B3GALT1: variants seen among roughly 807,000 people sequenced by gnomAD.
B3GALT1 encodes the protein beta-1,3-galactosyltransferase 1.
In B3GALT1, 10 loss-of-function variants were observed where a neutral mutation model predicts 23.2. That is an observed-to-expected ratio of 0.43 (90% confidence interval 0.27 to 0.73). The LOEUF is 0.73. Among genes scored for constraint, B3GALT1 ranks in the 30% least tolerant of loss-of-function variants. The pLI is 0.21. For synonymous variants in B3GALT1, 156 were observed against 141.5 expected (o/e 1.10, Z -0.73); for missense variants, 299 against 405.4 (o/e 0.74, Z 2.25).
At chr2:167,577,427 T>C (rs1684405959) in intron 2 of B3GALT1, among the ~76,000 whole-genome samples, 1 of 151,838 alleles carries the variant, frequency 6.6e-6, no homozygotes, top group African/African-American at 2.4e-5. Flanking sequence ...TTAATAATGG[T>C]ATATAGATCA....
intron 3 of B3GALT1, among the ~76,000 whole-genome samples, chr2:167,676,588 G>T (rs1474383987): frequency 6.6e-6 from 1 of 151,606 alleles, no homozygotes; most frequent in Non-Finnish European, 1.5e-5. Flanking sequence ...TTGAGACAGA[G>T]CCTCGCTTTC....
At chr2:167,509,721 G>A (rs1198186551) in intron 2 of B3GALT1, among the ~76,000 whole-genome samples, 1 of 152,146 alleles carries the variant, frequency 6.6e-6, no homozygotes, top group East Asian at 1.9e-4. Context: ...CTGGAGCAGT[G>A]TGAGTTAGGG....
intron 4 of B3GALT1, among the ~76,000 whole-genome samples, chr2:167,841,135 C>A (rs1689640324): frequency 6.6e-6 from 1 of 150,870 alleles, no homozygotes; most frequent in Non-Finnish European, 1.5e-5. Context: ...TGTAACTAAC[C>A]TGCACATTGT....
At chr2:167,410,981 AAGG>A (rs1574068353) in intron 1 of B3GALT1, among the ~76,000 whole-genome samples, 2 of 152,084 alleles carry the variant, frequency 1.3e-5, no homozygotes, top group Admixed American at 1.3e-4. Flanking sequence ...CCTTAAGAAA[AAGG>A]AGCATATATC....
intron 3 of B3GALT1, among the ~76,000 whole-genome samples, chr2:167,717,848 G>A (rs1687175412): frequency 6.6e-6 from 1 of 152,086 alleles, no homozygotes; most frequent in Admixed American, 6.5e-5. Flanking sequence ...CCTCAATATT[G>A]TCAGCAAAGG....
At chr2:167,656,836 T>A (rs935640) in intron 3 of B3GALT1, among the ~76,000 whole-genome samples, 3 of 151,884 alleles carry the variant, frequency 2.0e-5, no homozygotes, top group Non-Finnish European at 4.4e-5. Context: ...TGGGGGAGAG[T>A]TGGAACCCCT....
chr2:167,640,232 G>C (rs1197950266), intron 2 of B3GALT1, among the ~76,000 whole-genome samples: 1 of 151,970 alleles, frequency 6.6e-6, no homozygotes, highest in Non-Finnish European at 1.5e-5. Context: ...GCTGCCTAAG[G>C]CTGTCACCTC....
At position 167,501,718 on chromosome 2, in the gene B3GALT1, CAA is replaced by C. The variant is rs35445623; in HGVS notation, c.-410+11465_-410+11466del. Among the ~76,000 whole-genome samples the C allele has an allele frequency of 5.4e-3, 354 of 65,412 alleles. 8 individuals are homozygous for C. The East Asian group carries it at 0.083, about 15-fold the overall frequency. The allele number at this position is 65,412 out of a possible 152,430, so 42.9% of individuals were successfully genotyped here. A position where few individuals can be genotyped will look rare whatever the true frequency, so the allele number is the denominator to read the frequency against. On this transcript the variant is annotated intron_variant, in intron 2 of 4. Coordinates refer to ENST00000392690, the MANE Select transcript of B3GALT1 (RefSeq NM_020981.4). ...ATGTTAATTCACACATCTACAGTGG[CAA>C]AAAAAAAAAAAAAAAAAAAAAAAGT...
chr2:167,384,480 C>T (rs115861275), intron 1 of B3GALT1, among the ~76,000 whole-genome samples: 1,681 of 152,244 alleles, frequency 0.011, 12 homozygotes, highest in Non-Finnish European at 0.016. Context: ...CCTTCCTGAT[C>T]CCCATCCACC....
intron 1 of B3GALT1, among the ~76,000 whole-genome samples, chr2:167,457,849 G>A (rs549620098): frequency 2.0e-5 from 3 of 152,204 alleles, no homozygotes; most frequent in East Asian, 1.9e-4. Flanking sequence ...ATTCTAGACC[G>A]ACCGAATTAG....
chr2:167,553,295 C>T (rs900359564), intron 2 of B3GALT1, among the ~76,000 whole-genome samples: 2 of 152,142 alleles, frequency 1.3e-5, no homozygotes, highest in Non-Finnish European at 2.9e-5. Context: ...GTTTATCTGA[C>T]ATAGCCAAAT....
chr2:167,716,137 G>C, intron 3 of B3GALT1: 2 of 1,419,658 alleles, frequency 1.4e-6, no homozygotes, highest in Non-Finnish European at 1.9e-6. Context: ...ACGCAGCCTT[G>C]GGTCTGGAAC....
At chr2:167,837,060 C>G (rs964656929) in intron 4 of B3GALT1, among the ~76,000 whole-genome samples, 2 of 152,196 alleles carry the variant, frequency 1.3e-5, no homozygotes, top group African/African-American at 4.8e-5. Flanking sequence ...CCGGTAACAG[C>G]TGCTGCAAAA....
At chr2:167,617,626 C>T (rs1685184352) in intron 2 of B3GALT1, among the ~76,000 whole-genome samples, 1 of 152,044 alleles carries the variant, frequency 6.6e-6, no homozygotes, top group African/African-American at 2.4e-5. Flanking sequence ...GAGAAATAGG[C>T]TAGCCCACAT....
chr2:167,671,047 C>G (rs1236475744), intron 3 of B3GALT1, among the ~76,000 whole-genome samples: 1 of 152,042 alleles, frequency 6.6e-6, no homozygotes, highest in Non-Finnish European at 1.5e-5. Flanking sequence ...ACACTTTTAT[C>G]AGACAAAATA....
intron 2 of B3GALT1, among the ~76,000 whole-genome samples, chr2:167,562,844 G>A (rs1684036835): frequency 6.6e-6 from 1 of 151,834 alleles, no homozygotes; most frequent in Non-Finnish European, 1.5e-5. Flanking sequence ...AGGGAGTGGT[G>A]ATGACTCTTA....
intron 2 of B3GALT1, among the ~76,000 whole-genome samples, chr2:167,635,254 G>T (rs143390001): frequency 6.6e-6 from 1 of 152,082 alleles, no homozygotes; most frequent in Non-Finnish European, 1.5e-5. Context: ...TACTGAATGC[G>T]CAAAAGCTGG....
intron 3 of B3GALT1, among the ~76,000 whole-genome samples, chr2:167,707,807 C>T (rs1316027681): frequency 6.6e-6 from 1 of 152,154 alleles, no homozygotes; most frequent in African/African-American, 2.4e-5. Flanking sequence ...TTTGGAGGGC[C>T]ATTATTCTGC....
chr2:167,594,377 G>T (rs970205835), intron 2 of B3GALT1, among the ~76,000 whole-genome samples: 2 of 152,058 alleles, frequency 1.3e-5, no homozygotes, highest in Admixed American at 1.3e-4. Flanking sequence ...TAAAAATAAA[G>T]AAATAGTATT....
Sources: gnomAD v4.1 joint callset for allele counts (sites outside exome capture counted in the v4.1 genomes callset) on GRCh38, gnomAD v4.1.1 for gene constraint, MANE v1.5 for transcripts, NCBI Gene and HGNC (gene_info 2026-07-23, HGNC 2026-07-21) for gene names.